Variants in ZNF705G observed in about 807,000 individuals in gnomAD.
The protein encoded by ZNF705G is putative zinc finger protein 705G.
In ZNF705G, 23 loss-of-function variants were observed where a neutral mutation model predicts 19.6. The observed-to-expected ratio is 1.17, with a 90% CI of 0.84 to 1.66. ZNF705G has a LOEUF of 1.66. ZNF705G is among the 40% of genes most tolerant of loss of function. The probability of loss-of-function intolerance (pLI) is 0.00; values close to 1 mark genes in which losing one functional copy is unlikely to be tolerated. For synonymous variants in ZNF705G, 146 were observed against 117.7 expected (o/e 1.24, Z -1.56); for missense variants, 457 against 354.4 (o/e 1.29, Z -2.32).
rs576676451 is a variant in ZNF705G at position 7,360,327 on chromosome 8, G to C, written c.145C>G (p.Gln49Glu). The change falls in exon 5 of 7, where the codon CAG becomes GAG. Residue 49 changes from glutamine to glutamate, a missense_variant. Coordinates refer to ENST00000400156, the MANE Select transcript of ZNF705G (RefSeq NM_001164457.3). ...AAAATTATATAGGATTTGCTTATCTGGTACCCTGTTAGTGGAAAGAATACA... is the reference window on the plus strand; with the variant it reads ...AAAATTATATAGGATTTGCTTATCTCGTACCCTGTTAGTGGAAAGAATACA... ...NISHLVSLGY[Q>E]ISKSYIILQL... 7.6e-6 allele frequency: 12 copies of C among 1,588,632 alleles called. 1 individual carries two copies. The South Asian group carries it at 9.9e-5, about 13-fold the overall frequency.
rs531256745 is a variant in ZNF705G, at chr8:7,364,972, T to C, written c.-71-1955A>G. The stretch of plus-strand genomic sequence containing the variant: ...TACCAAGTAAACTCTTCCTCGAATA[T>C]CAAAATAAGATTTGGGCTTTAGAGA... On this transcript the variant is annotated intron_variant, in intron 2 of 6. Coordinates refer to ENST00000400156, the MANE Select transcript of ZNF705G (RefSeq NM_001164457.3). Among the ~76,000 whole-genome samples, 20 of 149,820 alleles carry C rather than the reference T, an allele frequency of 1.3e-4. 3 individuals carry two copies. The South Asian group carries it at 4.2e-3, about 31-fold the overall frequency.
intron 2 of ZNF705G, among the ~76,000 whole-genome samples, chr8:7,370,221 A>G (rs1317644118): frequency 1.4e-5 from 2 of 148,088 alleles, no homozygotes; most frequent in African/African-American, 5.3e-5. Flanking sequence ...CAGCAAGCCG[A>G]GATCACGCCA....
At chr8:7,364,866 A>G (rs1412079077) in intron 2 of ZNF705G, among the ~76,000 whole-genome samples, 6 of 149,604 alleles carry the variant, frequency 4.0e-5, no homozygotes, top group Non-Finnish European at 5.9e-5. Flanking sequence ...TTCAAGCAGA[A>G]CAGCTATTCC....
At chr8:7,358,597 C>T (rs750281852) in intron 6 of ZNF705G, 37 bp from the exon 7 acceptor site, 1 of 1,605,166 alleles carries the variant, frequency 6.2e-7, no homozygotes, top group Non-Finnish European at 8.5e-7. Flanking sequence ...AATGGTTTAC[C>T]CACATATATC....
At chr8:7,376,857 A>G (rs1807261879) in intron 2 of ZNF705G, among the ~76,000 whole-genome samples, 1 of 144,986 alleles carries the variant, frequency 6.9e-6, no homozygotes, top group South Asian at 2.1e-4. Context: ...AGATACATCT[A>G]TTATAATCTA....
intron 2 of ZNF705G, among the ~76,000 whole-genome samples, chr8:7,378,769 T>A (rs1376283046): frequency 3.4e-5 from 5 of 145,534 alleles, no homozygotes; most frequent in African/African-American, 1.4e-4. Flanking sequence ...TTTTTAGGAC[T>A]CATGATTACA....
rs1211651250 is a variant in ZNF705G at position 7,375,588 on chromosome 8, C to T, written c.-72+5864G>A. On this transcript the variant is annotated intron_variant, in intron 2 of 6. Coordinates refer to ENST00000400156, the MANE Select transcript of ZNF705G (RefSeq NM_001164457.3). ...AATGTTAGTTCTGTATTAAGTTTCT[C>T]GAAAAGTGGTTTGAAAATATAATGC... 1.9e-4 allele frequency among the ~76,000 whole-genome samples: 18 copies of T among 93,208 alleles called. 7 individuals carry two copies. Among genetic ancestry groups the T allele is most frequent in the South Asian group, 3.7e-4 (1 of 2,722 alleles). The allele number at this position is 93,208 out of a possible 152,430, so 61.1% of individuals were successfully genotyped here.
chr8:7,379,979 C>A (rs1345420962), intron 2 of ZNF705G, among the ~76,000 whole-genome samples: 2 of 141,292 alleles, frequency 1.4e-5, no homozygotes, highest in Non-Finnish European at 3.0e-5. Context: ...CATCCAGAGT[C>A]CTGCAGAGTC....
At chr8:7,376,798 A>C (rs574994332) in intron 2 of ZNF705G, among the ~76,000 whole-genome samples, 2 of 150,108 alleles carry the variant, frequency 1.3e-5, no homozygotes, top group Non-Finnish European at 2.9e-5. Flanking sequence ...CCTCTCTAAC[A>C]ATTGAAGTAT....
chr8:7,361,310 C>T (rs772938752), intron 3 of ZNF705G, 74 bp from the exon 4 acceptor site: 60 of 1,591,032 alleles, frequency 3.8e-5, no homozygotes, highest in East Asian at 6.7e-5. Context: ...GCTGAGATGA[C>T]ATAGCTAGCA....
rs1806299901 is a variant in ZNF705G, at chr8:7,356,966, T to C, written c.*1010A>G. ...ATAGATATTTTCTCAAATTTCTGAA[T>C]TATTTTGCTAAAGTATGTGTTAAGA... On this transcript the variant is annotated 3_prime_UTR_variant, in exon 7 of 7. Transcript: ENST00000400156. 4 of 149,860 alleles carry C rather than the reference T, an allele frequency of 2.7e-5. 1 individual carries two copies. The highest frequency in any genetic ancestry group is 2.0e-4 in the Admixed American group (3 of 15,238). The allele number at this position is 149,860 out of a possible 1,614,324, so 9.3% of individuals were successfully genotyped here. A position where few individuals can be genotyped will look rare whatever the true frequency, so the allele number is the denominator to read the frequency against.
chr8:7,379,804 G>C (rs1229924024), intron 2 of ZNF705G, among the ~76,000 whole-genome samples: 1 of 147,260 alleles, frequency 6.8e-6, no homozygotes, highest in Non-Finnish European at 1.5e-5. Context: ...CATTGTCCCA[G>C]AGAAGGAGTT....
intron 2 of ZNF705G, among the ~76,000 whole-genome samples, chr8:7,380,451 A>G (rs1255523538): frequency 6.8e-6 from 1 of 147,238 alleles, no homozygotes; most frequent in Non-Finnish European, 1.5e-5. Flanking sequence ...GAATTAATCC[A>G]CCATGCCTAT....
rs558016189 is a variant in ZNF705G at position 7,370,374 on chromosome 8, A to T, written c.-71-7357T>A. 3.3e-5 allele frequency among the ~76,000 whole-genome samples: 5 copies of T among 149,660 alleles called. No individual in the cohort carries two copies. In the East Asian group the frequency reaches 9.7e-4, roughly 29 times the overall value. On this transcript the variant is annotated intron_variant, in intron 2 of 6. Transcript: ENST00000400156. ...AAAATTCTTACCATCTCTAATCATCAGGGGGATGTAAATAAAAACCACCAT... is the reference window on the plus strand; with the variant it reads ...AAAATTCTTACCATCTCTAATCATCTGGGGGATGTAAATAAAAACCACCAT...
intron 1 of ZNF705G, 103 bp from the exon 2 acceptor site, chr8:7,381,704 GGA>G (rs1452486581): frequency 6.7e-6 from 1 of 148,630 alleles, no homozygotes; most frequent in Non-Finnish European, 1.5e-5. Flanking sequence ...GAGCAGACAT[GGA>G]CATAAATATG....
intron 2 of ZNF705G, among the ~76,000 whole-genome samples, chr8:7,376,496 T>C (rs1455058569): frequency 1.7e-5 from 2 of 117,272 alleles, no homozygotes; most frequent in Non-Finnish European, 3.4e-5. Context: ...TAAAACACTT[T>C]TCAAACTCAG....
At chr8:7,381,876 TG>T (rs1323863256) in intron 1 of ZNF705G, among the ~76,000 whole-genome samples, 1 of 151,418 alleles carries the variant, frequency 6.6e-6, no homozygotes, top group Non-Finnish European at 1.5e-5. Context: ...ATGTACCTAC[TG>T]TATCTAAAAT....
intron 4 of ZNF705G, among the ~76,000 whole-genome samples, chr8:7,360,858 G>C (rs1209356261): frequency 6.7e-6 from 1 of 149,360 alleles, no homozygotes; most frequent in East Asian, 1.9e-4. Context: ...GAGTATTAGA[G>C]ACTGAGTACC....
chr8:7,355,915 G>A lies in ZNF705G; in HGVS notation c.*2061C>T, dbSNP rs535940738. 2.0e-5 allele frequency: 3 copies of A among 149,694 alleles called. No individual in the cohort carries two copies. The East Asian group carries it at 5.8e-4, about 29-fold the overall frequency. 9.3% of individuals were successfully genotyped at this position (149,694 alleles called of 1,614,324 possible). The stretch of plus-strand genomic sequence containing the variant: ...ACTTGACATAAACCCTGGCTGCAGA[G>A]TAAAATCAATCACTTGTAGAGATTT... On this transcript the variant is annotated 3_prime_UTR_variant, in exon 7 of 7. Coordinates refer to ENST00000400156, the MANE Select transcript of ZNF705G (RefSeq NM_001164457.3).
Sources: gnomAD v4.1 joint callset for allele counts (sites outside exome capture counted in the v4.1 genomes callset) on GRCh38, gnomAD v4.1.1 for gene constraint, MANE v1.5 for transcripts, NCBI Gene and HGNC (gene_info 2026-07-23, HGNC 2026-07-21) for gene names.